CALN1: variants seen among roughly 807,000 people sequenced by gnomAD.
CALN1 encodes the protein calneuron 1, also known as calcium-binding protein 8.
In CALN1, 17 loss-of-function variants were observed where a neutral mutation model predicts 30.6. The observed-to-expected ratio is 0.56, with a 90% CI of 0.38 to 0.83. The LOEUF (loss-of-function observed/expected upper bound fraction) is 0.83. Ranked by LOEUF, CALN1 falls within the 40% of genes least tolerant of loss-of-function variation. The pLI is 0.00. For missense variants in CALN1, 291 were observed against 354.9 expected (o/e 0.82, Z 1.45); for synonymous variants, 156 against 131.4 (o/e 1.19, Z -1.28).
the CALN1 span, among the ~76,000 whole-genome samples, chr7:72,487,958 G>A: frequency 3.7e-4 from 41 of 111,100 alleles, no homozygotes; most frequent in Non-Finnish European, 6.4e-4. Context: ...AGGAAGGAAA[G>A]GAAGGAAGGA....
chr7:72,261,680 G>A (rs904230164), intron 3 of CALN1, among the ~76,000 whole-genome samples: 2 of 151,950 alleles, frequency 1.3e-5, no homozygotes, highest in African/African-American at 2.4e-5. Flanking sequence ...CTCCTGCCTC[G>A]GCCTCCAGAA....
At chr7:72,323,056 A>AG (rs1179371881) in intron 2 of CALN1, among the ~76,000 whole-genome samples, 2 of 149,374 alleles carry the variant, frequency 1.3e-5, no homozygotes, top group South Asian at 2.1e-4. Flanking sequence ...CAAACCACAC[A>AG]GAAAAAAAAA....
At chr7:71,962,421 G>T (rs1323200924) in intron 5 of CALN1, among the ~76,000 whole-genome samples, 1 of 152,010 alleles carries the variant, frequency 6.6e-6, no homozygotes, top group Non-Finnish European at 1.5e-5. Context: ...TAATTAATGT[G>T]AGCAGAAGCC....
chr7:72,017,421 G>C (rs1800458502), intron 5 of CALN1, among the ~76,000 whole-genome samples: 1 of 152,168 alleles, frequency 6.6e-6, no homozygotes, highest in African/African-American at 2.4e-5. Flanking sequence ...GTGGCAAACA[G>C]ACTTTCATCC....
intron 5 of CALN1, among the ~76,000 whole-genome samples, chr7:71,949,792 C>T (rs1443059875): frequency 1.3e-5 from 2 of 151,782 alleles, no homozygotes; most frequent in Non-Finnish European, 2.9e-5. Context: ...GATGGAGTCT[C>T]GCTTTGTCGC....
intron 5 of CALN1, among the ~76,000 whole-genome samples, chr7:71,980,066 C>T (rs1293161881): frequency 6.6e-6 from 1 of 150,834 alleles, no homozygotes; most frequent in African/African-American, 2.4e-5. Flanking sequence ...TTAGAAGAGA[C>T]AGGTTTTTAC....
chr7:71,799,442 TTTATTTATTTAG>T lies in CALN1; in HGVS notation c.658+10882_658+10893del, dbSNP rs1454684172. ...GTCTTTTTATTTATTTATTTATTTA[TTTATTTATTTAG>T]TTAGTTAGTTAGTTAGTTAGTTAGT... On this transcript the variant is annotated intron_variant, in intron 6 of 6. Transcript: ENST00000395275. 2.7e-3 allele frequency among the ~76,000 whole-genome samples: 370 copies of T among 139,244 alleles called. 5 individuals carry two copies. The East Asian group carries it at 0.07, about 26-fold the overall frequency. The allele number at this position is 139,244 out of a possible 152,430, so 91.3% of individuals were successfully genotyped here.
chr7:72,026,874 C>A (rs1801092603), intron 4 of CALN1, among the ~76,000 whole-genome samples: 1 of 151,908 alleles, frequency 6.6e-6, no homozygotes, highest in African/African-American at 2.4e-5. Flanking sequence ...GAATTTGACA[C>A]CTCTGAAAGC....
At chr7:71,847,826 A>AAGG (rs1346102554) in intron 5 of CALN1, among the ~76,000 whole-genome samples, 2 of 101,540 alleles carry the variant, frequency 2.0e-5, no homozygotes, top group African/African-American at 9.9e-5. Flanking sequence ...GGAGAAGGAG[A>AAGG]AGGAGAAGGA....
At chr7:71,990,041 C>T (rs1169144833) in intron 5 of CALN1, among the ~76,000 whole-genome samples, 1 of 152,032 alleles carries the variant, frequency 6.6e-6, no homozygotes, top group African/African-American at 2.4e-5. Flanking sequence ...GCTGCATTCC[C>T]AGGAGGTTAA....
At chr7:72,146,221 C>T (rs1410900635) in intron 3 of CALN1, among the ~76,000 whole-genome samples, 1 of 152,124 alleles carries the variant, frequency 6.6e-6, no homozygotes, top group East Asian at 1.9e-4. Context: ...ATCTAGAAAA[C>T]CCCATTGTCT....
intron 2 of CALN1, among the ~76,000 whole-genome samples, chr7:72,377,285 C>CT (rs1002896018): frequency 3.3e-5 from 5 of 151,924 alleles, no homozygotes; most frequent in African/African-American, 9.7e-5. Flanking sequence ...TTGTCTTTAG[C>CT]TTTTTTTTAG....
chr7:71,832,610 T>C (rs1379348769), intron 5 of CALN1, among the ~76,000 whole-genome samples: 3 of 152,096 alleles, frequency 2.0e-5, no homozygotes, highest in African/African-American at 7.2e-5. Flanking sequence ...GTGTTTCCTT[T>C]TTTGTTTTTT....
At chr7:72,060,296 C>A (rs957331839) in intron 4 of CALN1, among the ~76,000 whole-genome samples, 1 of 152,164 alleles carries the variant, frequency 6.6e-6, no homozygotes, top group African/African-American at 2.4e-5. Flanking sequence ...TGCCTGATGC[C>A]TTTTTCTCTT....
At chr7:72,319,657 T>C (rs765703917) in intron 2 of CALN1, among the ~76,000 whole-genome samples, 1 of 149,262 alleles carries the variant, frequency 6.7e-6, no homozygotes, top group South Asian at 2.1e-4. Context: ...AGAATACTAT[T>C]TGGTTTCCAA....
chr7:72,112,805 G>A lies in CALN1; in HGVS notation c.245-6511C>T, dbSNP rs1477627491. Reference sequence around the variant, plus strand: ...AATCTGTATTACAGTTGAAGAGACAGAGAGGTGACCAGATGTTCATAAGCA... The same window carrying A: ...AATCTGTATTACAGTTGAAGAGACAAAGAGGTGACCAGATGTTCATAAGCA... On this transcript the variant is annotated intron_variant, in intron 3 of 6. Transcript: ENST00000395275. 5.3e-5 allele frequency among the ~76,000 whole-genome samples: 8 copies of A among 152,330 alleles called. No homozygotes were observed. In the East Asian group the frequency reaches 1.5e-3, roughly 29 times the overall value.
Position 71,920,185 on chromosome 7 carries a change from G to A in CALN1, c.501+103472C>T, listed in dbSNP as rs150449867. Among the ~76,000 whole-genome samples, 12 of 152,216 alleles carry A rather than the reference G, an allele frequency of 7.9e-5. 1 individual carries two copies. Among genetic ancestry groups the A allele is most frequent in the Admixed American group, 1.3e-4 (2 of 15,268 alleles). Reference sequence around the variant, plus strand: ...TCCAAGGAAGAGTTTTGGAAACACCGGTCTGTATCTGTAACCTGCTCTTTA... The same window carrying A: ...TCCAAGGAAGAGTTTTGGAAACACCAGTCTGTATCTGTAACCTGCTCTTTA... On this transcript the variant is annotated intron_variant, in intron 5 of 6. Coordinates refer to ENST00000395275, the MANE Select transcript of CALN1 (RefSeq NM_031468.4).
In CALN1 at chr7:71,964,836, AAG is replaced by A. The variant is rs199747309; in HGVS notation, c.501+58819_501+58820del. ...GTTGGGAATGAGATGGGCTTTGGGT[AAG>A]AGTCTTCCAATACTGACCAATGTAA... On this transcript the variant is annotated intron_variant, in intron 5 of 6. Transcript: ENST00000395275. Among the ~76,000 whole-genome samples, 830 of 152,300 alleles carry A rather than the reference AAG, an allele frequency of 5.4e-3. 8 individuals are homozygous for A. The highest frequency in any genetic ancestry group is 0.012 in the African/African-American group (516 of 41,558).
chr7:72,233,612 G>A (rs1794265831), intron 3 of CALN1, among the ~76,000 whole-genome samples: 1 of 152,090 alleles, frequency 6.6e-6, no homozygotes, highest in African/African-American at 2.4e-5. Context: ...TCAGCTACTT[G>A]GAGGGCTGAG....
Sources: gnomAD v4.1 joint callset for allele counts (sites outside exome capture counted in the v4.1 genomes callset) on GRCh38, gnomAD v4.1.1 for gene constraint, MANE v1.5 for transcripts, NCBI Gene and HGNC (gene_info 2026-07-23, HGNC 2026-07-21) for gene names.